Variants in UBR4 observed in about 807,000 individuals in gnomAD.
The protein encoded by UBR4 is ubiquitin protein ligase E3 component n-recognin 4, also known as E3 ubiquitin-protein ligase UBR4.
Under a neutral mutation model 575.6 loss-of-function variants are expected in UBR4, and 124 were observed. That is an observed-to-expected ratio of 0.22 (90% CI 0.19 to 0.25). The LOEUF is 0.25. UBR4 is among the 10% of genes least tolerant of loss of function. The pLI, the probability that UBR4 is intolerant of heterozygous loss-of-function variation, is 1.00. For synonymous variants in UBR4, 2,455 were observed against 2,473.7 expected (o/e 0.99, Z 0.22); for missense variants, 4,818 against 6,478.8 (o/e 0.74, Z 8.80).
chr1:19,122,693 A>G (rs776542254), intron 66 of UBR4, 140 bp downstream of exon 66: 5 of 944,598 alleles, frequency 5.3e-6, no homozygotes, highest in Non-Finnish European at 8.0e-6. Context: ...GGGGTTATGG[A>G]TTTACCCTCA....
Position 19,144,028 on chromosome 1 carries a change from G to T in UBR4, c.8131C>A (p.Arg2711=). 2 of 1,614,056 alleles carry T rather than the reference G, an allele frequency of 1.2e-6. No individual in the cohort carries two copies. Among genetic ancestry groups the T allele is most frequent in the South Asian group, 1.1e-5 (1 of 91,084 alleles). ...GAAGAGGGTAAAGTCACATGTCTCC[G>T]TTTGTTCCTGGGCCTTAGGACTCGA... ...LIRVLRPRNK[R]RHVTLPSSPR... Residue 2711 remains arginine, a synonymous_variant, in exon 55 of 106, where the codon CGG becomes AGG. Transcript: ENST00000375254.
intron 37 of UBR4, 145 bp downstream of exon 37, chr1:19,161,444 A>AC: frequency 8.4e-7 from 1 of 1,192,606 alleles, no homozygotes; most frequent in Non-Finnish European, 1.2e-6. Flanking sequence ...TCCTTAGGCC[A>AC]CAACTGTGCA....
chr1:19,082,515 C>T (rs536407310), intron 102 of UBR4, among the ~76,000 whole-genome samples: 3 of 152,194 alleles, frequency 2.0e-5, no homozygotes, highest in African/African-American at 4.8e-5. Flanking sequence ...CCTGATGACA[C>T]GCTTCTGGGT....
chr1:19,132,604 G>GAAAAAAAAAAA, intron 60 of UBR4, among the ~76,000 whole-genome samples: 1 of 19,948 alleles, frequency 5.0e-5, no homozygotes, highest in Non-Finnish European at 8.9e-5. Flanking sequence ...GTAAAAAATG[G>GAAAAAAAAAAA]TAAAAAAAAA....
chr1:19,145,560 A>T (rs1450216234), intron 53 of UBR4, among the ~76,000 whole-genome samples: 1 of 133,930 alleles, frequency 7.5e-6, no homozygotes, highest in Non-Finnish European at 1.6e-5. Context: ...CTTTATGTAA[A>T]ATATTCAACC....
At chr1:19,179,998 G>A (rs1390738682) in intron 17 of UBR4, among the ~76,000 whole-genome samples, 1 of 152,066 alleles carries the variant, frequency 6.6e-6, no homozygotes, top group Non-Finnish European at 1.5e-5. Flanking sequence ...GCAAAATGTC[G>A]CTGGCCTCAA....
chr1:19,126,138 A>G (rs2081745916), intron 64 of UBR4, among the ~76,000 whole-genome samples: 3 of 152,050 alleles, frequency 2.0e-5, no homozygotes, highest in Admixed American at 1.3e-4. Flanking sequence ...TCTGACACAC[A>G]TGTCATGACC....
intron 103 of UBR4, chr1:19,079,682 C>T (rs72649602): frequency 0.055 from 8,431 of 152,472 alleles, 359 homozygotes; most frequent in Non-Finnish European, 0.094. Flanking sequence ...TATCTCTACA[C>T]GCCCTTCCAG....
chr1:19,197,351 C>T (rs538291642), intron 7 of UBR4, 86 bp from the exon 8 acceptor site: 25 of 1,559,956 alleles, frequency 1.6e-5, no homozygotes, highest in East Asian at 1.6e-4. Flanking sequence ...AGCATGGGCC[C>T]GGCACAGTGG....
At chr1:19,164,677 G>C in intron 32 of UBR4, 122 bp downstream of exon 32, 19 of 1,326,956 alleles carry the variant, frequency 1.4e-5, no homozygotes, top group Non-Finnish European at 1.9e-5. Context: ...CTTGAGTCTA[G>C]AGAGAGGTAG....
chr1:19,140,492 G>A (rs78567325), intron 58 of UBR4, among the ~76,000 whole-genome samples: 151 of 152,340 alleles, frequency 9.9e-4, no homozygotes, highest in African/African-American at 3.2e-3. Context: ...GACAAAGAAC[G>A]CTGGAAGCTG....
chr1:19,088,014 A>T lies in UBR4; in HGVS notation c.14431-85T>A. 1 of 1,051,726 alleles carries T rather than the reference A, an allele frequency of 9.5e-7. No homozygotes were observed. The highest frequency in any genetic ancestry group is 1.4e-6 in the Non-Finnish European group (1 of 696,522). 65.1% of individuals were successfully genotyped at this position (1,051,726 alleles called of 1,614,324 possible). On this transcript the variant is annotated intron_variant, in intron 98 of 105. Transcript: ENST00000375254. The surrounding 1 kb of genome is among the most constrained non-coding windows in gnomAD (Gnocchi z 4.0). The stretch of plus-strand genomic sequence containing the variant: ...CTTGGAGATGCTCAGGAACAGGGCT[A>T]ACCTTCTACCTCCACTAAAAGGACA...
chr1:19,165,797 C>G (rs748746003), intron 29 of UBR4, 40 bp from the exon 30 acceptor site: 1 of 1,533,418 alleles, frequency 6.5e-7, no homozygotes, highest in Non-Finnish European at 8.9e-7. Flanking sequence ...AGTATTAAGA[C>G]CTGTTTCAAT....
rs745625468 is a variant in UBR4 at position 19,110,964 on chromosome 1, C to T, written c.11802-132G>A. 2.1e-4 allele frequency: 175 copies of T among 838,640 alleles called. No homozygotes were observed. The highest frequency in any genetic ancestry group is 3.1e-4 in the Non-Finnish European group (168 of 544,918). 51.9% of individuals were successfully genotyped at this position (838,640 alleles called of 1,614,324 possible). On this transcript the variant is annotated intron_variant, in intron 78 of 105. Coordinates refer to ENST00000375254, the MANE Select transcript of UBR4 (RefSeq NM_020765.3). This position sits in a 1 kb window ranked among gnomAD's most constrained non-coding sequence, Gnocchi z 4.5. ...GGCCCCAAATTTTCTACTTCCTTCC[C>T]GGGGCAAGACTAGAACTTTAGCTTC...
At chr1:19,113,184 T>C (rs779787537) in intron 77 of UBR4, 7 of 312,322 alleles carry the variant, frequency 2.2e-5, no homozygotes, top group Non-Finnish European at 3.5e-5. Context: ...CTCCAGCAAT[T>C]TGGGGTTGAG....
chr1:19,137,606 C>T (rs1173844287), intron 60 of UBR4, among the ~76,000 whole-genome samples: 1 of 152,154 alleles, frequency 6.6e-6, no homozygotes, highest in African/African-American at 2.4e-5. Flanking sequence ...ACAAGGAGCG[C>T]TTCTAGGACA....
chr1:19,096,720 A>C (rs1306577514), intron 91 of UBR4, 70 bp from the exon 92 acceptor site: 1 of 1,579,450 alleles, frequency 6.3e-7, no homozygotes, highest in African/African-American at 1.4e-5. Flanking sequence ...GGCCAGGATA[A>C]GACAGCCCTA....
rs768219480 is a variant in UBR4 at position 19,185,120 on chromosome 1, C to T, written c.1917G>A (p.Ala639=). The T allele has an allele frequency of 2.3e-5, 37 of 1,614,032 alleles. No homozygotes were observed. Among genetic ancestry groups the T allele is most frequent in the Admixed American group, 1.0e-4 (6 of 59,996 alleles). The change falls in exon 15 of 106, where the codon GCG becomes GCA. Residue 639 remains alanine, a synonymous_variant. Transcript: ENST00000375254. ...TTACCAACTCAGGATCTTTGCGACT[C>T]GCCAGAATGTTGCCCTTCTCACCAG... ...QAPGEKGNIL[A]SRKDPELFLG... is the part of the protein sequence containing the mutation.
chr1:19,182,768 A>G (rs2091126341), intron 17 of UBR4, among the ~76,000 whole-genome samples: 1 of 152,192 alleles, frequency 6.6e-6, no homozygotes, highest in Admixed American at 6.5e-5. Context: ...ATATAGATGA[A>G]TCTTGGCAAT....
Sources: gnomAD v4.1 joint callset for allele counts (sites outside exome capture counted in the v4.1 genomes callset) on GRCh38, gnomAD v4.1.1 for gene constraint, Gnocchi (gnomAD v3.1) non-coding constraint, MANE v1.5 for transcripts, NCBI Gene and HGNC (gene_info 2026-07-23, HGNC 2026-07-21) for gene names.